TMTC3: variants seen among roughly 807,000 people sequenced by gnomAD.
TMTC3 encodes the protein transmembrane O-mannosyltransferase targeting cadherins 3, also known as protein O-mannosyl-transferase TMTC3.
In TMTC3, 52 loss-of-function variants were observed where a neutral mutation model predicts 92.2. That is an observed-to-expected ratio of 0.56 (90% confidence interval 0.45 to 0.71). TMTC3 has a LOEUF of 0.71. Among genes scored for constraint, TMTC3 ranks in the 30% least tolerant of loss-of-function variants. The pLI is 0.00. For missense variants in TMTC3, 896 were observed against 1,057.1 expected, an observed-to-expected ratio of 0.85 and a Z score of 2.11; for synonymous variants, 339 against 363.3, an observed-to-expected ratio of 0.93 and a Z score of 0.76.
chr12:88,180,461 G>C (rs938391132), intron 10 of TMTC3, among the ~76,000 whole-genome samples: 6 of 152,152 alleles, frequency 3.9e-5, no homozygotes, highest in Admixed American at 6.5e-5. Context: ...CAGGAAAAGT[G>C]AGAGAATAAG....
Position 88,190,637 on chromosome 12 carries a change from C to T in TMTC3, c.1706+15C>T, listed in dbSNP as rs775816764. 6.2e-7 allele frequency: 1 copy of T among 1,610,620 alleles called. No individual in the cohort carries two copies. Among genetic ancestry groups the T allele is most frequent in the East Asian group, 2.2e-5 (1 of 44,768 alleles). ...TACATTAGCAGGTATCCCAGTTCAA[C>T]TTTAAGCTATCATTATGGAATATTG... On this transcript the variant is annotated intron_variant, in intron 12 of 13. Coordinates refer to ENST00000266712, the MANE Select transcript of TMTC3 (RefSeq NM_181783.4).
In TMTC3 at chr12:88,169,915, G is replaced by A. The variant is rs575429562; in HGVS notation, c.1051-2682G>A. 4.8e-5 allele frequency among the ~76,000 whole-genome samples: 7 copies of A among 147,336 alleles called. No individual in the cohort carries two copies. The South Asian group carries it at 1.3e-3, about 28-fold the overall frequency. ...GATCATGCCACTATACTCTATCCTG[G>A]ATGACAGACAAGACCCTGTCAGAAA... is the stretch of plus-strand genomic sequence containing the variant. On this transcript the variant is annotated intron_variant, in intron 7 of 13. Transcript: ENST00000266712.
chr12:88,194,362 A>T (rs1190394338), intron 13 of TMTC3, among the ~76,000 whole-genome samples: 1 of 152,184 alleles, frequency 6.6e-6, no homozygotes, highest in South Asian at 2.1e-4. Flanking sequence ...GCTTTTTTCT[A>T]CCCAGTAATA....
intron 8 of TMTC3, among the ~76,000 whole-genome samples, chr12:88,173,654 C>T (rs1200074455): frequency 6.6e-6 from 1 of 152,014 alleles, no homozygotes; most frequent in East Asian, 1.9e-4. Context: ...TCCCTGTCTG[C>T]AATATTTAAC....
At chr12:88,183,111 T>G (rs913776562) in intron 10 of TMTC3, among the ~76,000 whole-genome samples, 1 of 152,162 alleles carries the variant, frequency 6.6e-6, no homozygotes, top group African/African-American at 2.4e-5. Context: ...GGCTGGCTTT[T>G]AATTGCTCCT....
At chr12:88,171,441 T>A (rs2041203688) in intron 7 of TMTC3, among the ~76,000 whole-genome samples, 1 of 152,116 alleles carries the variant, frequency 6.6e-6, no homozygotes, top group African/African-American at 2.4e-5. Flanking sequence ...TACATACAAG[T>A]GAGATCATGC....
chr12:88,174,429 A>G (rs1212825787), intron 8 of TMTC3, among the ~76,000 whole-genome samples, 178 bp from the exon 9 acceptor site: 1 of 152,108 alleles, frequency 6.6e-6, no homozygotes, highest in Non-Finnish European at 1.5e-5. Context: ...TATTCACAGT[A>G]TTTAATTTTT....
chr12:88,164,055 G>C (rs973399901), intron 6 of TMTC3, among the ~76,000 whole-genome samples: 1 of 151,644 alleles, frequency 6.6e-6, no homozygotes, highest in Non-Finnish European at 1.5e-5. Flanking sequence ...TAGCCAGCGT[G>C]GTGGTGCACG....
intron 1 of TMTC3, among the ~76,000 whole-genome samples, chr12:88,146,607 G>GTGTGTGTATATATATATATACATATA (rs1256658600): frequency 1.4e-5 from 2 of 147,334 alleles, no homozygotes; most frequent in African/African-American, 5.0e-5. Flanking sequence ...GTGTGTGTGT[G>GTGTGTGTATATATATATATACATATA]TGTGTATATA....
rs747735205 is a variant in TMTC3, at chr12:88,190,521, TA to T, written c.1607del (p.Asn536ThrfsTer2). The T allele has an allele frequency of 6.2e-7, 1 of 1,614,012 alleles. No individual in the cohort carries two copies. The highest frequency in any genetic ancestry group is 1.1e-5 in the South Asian group (1 of 91,078). ...NHLNVYINLA[N>X]LIRANESRLE... ...ACCTAAATGTTTATATCAATCTGGCTAACCTGATCCGAGCAAATGAGTCCCG... is the reference window on the plus strand; with the variant it reads ...ACCTAAATGTTTATATCAATCTGGCTACCTGATCCGAGCAAATGAGTCCCG... On this transcript the variant is annotated frameshift_variant, in exon 12 of 14. Coordinates refer to ENST00000266712, the MANE Select transcript of TMTC3 (RefSeq NM_181783.4). LOFTEE classifies it high-confidence loss of function.
chr12:88,155,239 C>T (rs536330406), intron 4 of TMTC3, among the ~76,000 whole-genome samples: 11 of 152,282 alleles, frequency 7.2e-5, no homozygotes, highest in African/African-American at 2.6e-4. Flanking sequence ...TTTACTAGTT[C>T]CATTCACCGT....
Position 88,196,639 on chromosome 12 carries a change from G to A in TMTC3, c.*990G>A, listed in dbSNP as rs868480870. ...TCTGTTTGACTGAAAGCAAAACAACGTGACAGTTTATTTTCAAACACTAAC... is the reference window on the plus strand; with the variant it reads ...TCTGTTTGACTGAAAGCAAAACAACATGACAGTTTATTTTCAAACACTAAC... On this transcript the variant is annotated 3_prime_UTR_variant, in exon 14 of 14. Transcript: ENST00000266712. 2.0e-5 allele frequency: 3 copies of A among 151,832 alleles called. No individual in the cohort carries two copies. The highest frequency in any genetic ancestry group is 1.3e-4 in the Admixed American group (2 of 15,232). 9.4% of individuals were successfully genotyped at this position (151,832 alleles called of 1,614,324 possible).
intron 8 of TMTC3, among the ~76,000 whole-genome samples, chr12:88,174,195 G>A (rs146804694): frequency 2.6e-5 from 4 of 152,090 alleles, no homozygotes; most frequent in Non-Finnish European, 2.9e-5. Flanking sequence ...GATAGTCTTG[G>A]TATAAATTGT....
At chr12:88,169,077 T>C (rs2041176576) in intron 7 of TMTC3, among the ~76,000 whole-genome samples, 1 of 152,228 alleles carries the variant, frequency 6.6e-6, no homozygotes, top group Non-Finnish European at 1.5e-5. Context: ...TGTAGTTGCC[T>C]GCTAAAACTG....
chr12:88,174,488 T>A (rs1250909441), intron 8 of TMTC3, 119 bp from the exon 9 acceptor site: 2 of 1,183,028 alleles, frequency 1.7e-6, no homozygotes, highest in Non-Finnish European at 2.3e-6. Flanking sequence ...TGAATTAGAA[T>A]AAATTAACAT....
intron 6 of TMTC3, 101 bp downstream of exon 6, chr12:88,160,952 G>A (rs1178124094): frequency 1.6e-6 from 2 of 1,226,622 alleles, no homozygotes; most frequent in Non-Finnish European, 2.3e-6. Flanking sequence ...TTTTTTAACA[G>A]TTTTATTAAG....
chr12:88,171,550 A>G (rs2041204841), intron 7 of TMTC3, among the ~76,000 whole-genome samples: 1 of 152,128 alleles, frequency 6.6e-6, no homozygotes, highest in Non-Finnish European at 1.5e-5. Flanking sequence ...TTTTAAGGCT[A>G]AATAGTATTC....
chr12:88,152,451 A>G (rs1489221567), intron 2 of TMTC3, among the ~76,000 whole-genome samples: 1 of 152,182 alleles, frequency 6.6e-6, no homozygotes, highest in Non-Finnish European at 1.5e-5. Context: ...CAACCTCCTC[A>G]TATTTCAGCA....
chr12:88,186,369 G>A (rs928899725), intron 10 of TMTC3, among the ~76,000 whole-genome samples: 14 of 152,098 alleles, frequency 9.2e-5, no homozygotes, highest in African/African-American at 3.4e-4. Flanking sequence ...TCTAAACAAA[G>A]TTCCTTTGTT....
Sources: allele counts gnomAD v4.1 joint callset (sites outside exome capture counted in the v4.1 genomes callset), GRCh38; gene constraint gnomAD v4.1.1; transcripts MANE v1.5; gene names NCBI Gene and HGNC (gene_info 2026-07-23, HGNC 2026-07-21).